NDUFS6: variants seen among roughly 807,000 people sequenced by gnomAD.
NDUFS6 encodes NADH:ubiquinone oxidoreductase subunit S6.
NDUFS6 carries 14 observed loss-of-function variants against 13.2 expected under a neutral mutation model. That is an observed-to-expected ratio of 1.06 (90% CI 0.70 to 1.66). The LOEUF is 1.66. NDUFS6 is among the 40% of genes most tolerant of loss of function. The pLI, the probability that NDUFS6 is intolerant of heterozygous loss-of-function variation, is 0.00. For missense variants in NDUFS6, 206 were observed against 170.8 expected (o/e 1.21, Z -1.15); for synonymous variants, 95 against 72.3 (o/e 1.31, Z -1.60).
chr5:1,807,898 G>A, intron 2 of NDUFS6, among the ~76,000 whole-genome samples: 1 of 152,178 alleles, frequency 6.6e-6, no homozygotes, highest in East Asian at 1.9e-4. Flanking sequence ...CCTAGGACTT[G>A]GGGGGCAGGA....
At chr5:1,810,665 G>A (rs1483878431) in intron 2 of NDUFS6, among the ~76,000 whole-genome samples, 1 of 152,190 alleles carries the variant, frequency 6.6e-6, no homozygotes, top group Non-Finnish European at 1.5e-5. Context: ...CAGGCAGTCA[G>A]TTTCAACAAT....
At chr5:1,815,823 T>C (rs368624015) in intron 3 of NDUFS6, 28 bp from the exon 4 acceptor site, 31 of 1,608,434 alleles carry the variant, frequency 1.9e-5, no homozygotes, top group South Asian at 1.4e-4. Flanking sequence ...TATGGAAATA[T>C]GACATCATTC....
At chr5:1,803,331 A>G (rs1734078637) in intron 2 of NDUFS6, among the ~76,000 whole-genome samples, 1 of 152,232 alleles carries the variant, frequency 6.6e-6, no homozygotes, top group African/African-American at 2.4e-5. Context: ...GTGGTTGATT[A>G]TTTGGCAATG....
chr5:1,808,568 A>T (rs1412458294), intron 2 of NDUFS6, among the ~76,000 whole-genome samples: 1 of 152,006 alleles, frequency 6.6e-6, no homozygotes, highest in Non-Finnish European at 1.5e-5. Flanking sequence ...GATGGGCTTT[A>T]TTTCCTCCCT....
At chr5:1,809,806 A>T (rs913864975) in intron 2 of NDUFS6, among the ~76,000 whole-genome samples, 3 of 152,232 alleles carry the variant, frequency 2.0e-5, no homozygotes, top group Non-Finnish European at 4.4e-5. Context: ...CTCACTCCAG[A>T]GCCCTCTGTA....
At chr5:1,802,407 T>C (rs750212128) in intron 2 of NDUFS6, 33 bp downstream of exon 2, 2 of 1,585,598 alleles carry the variant, frequency 1.3e-6, no homozygotes, top group Non-Finnish European at 1.7e-6. Context: ...AGAGGTAAGC[T>C]TTCCTAAAAC....
At chr5:1,806,834 G>T (rs1211666703) in intron 2 of NDUFS6, among the ~76,000 whole-genome samples, 2 of 152,162 alleles carry the variant, frequency 1.3e-5, no homozygotes, top group African/African-American at 4.8e-5. Context: ...CTGAAAGCGG[G>T]GTCCGGGGTA....
At chr5:1,807,365 A>G (rs1328316137) in intron 2 of NDUFS6, among the ~76,000 whole-genome samples, 2 of 152,146 alleles carry the variant, frequency 1.3e-5, no homozygotes, top group East Asian at 1.9e-4. Context: ...GGTGGTGGTG[A>G]TGGTTGCACA....
At chr5:1,806,003 G>A (rs923608829) in intron 2 of NDUFS6, among the ~76,000 whole-genome samples, 1 of 152,252 alleles carries the variant, frequency 6.6e-6, no homozygotes, top group African/African-American at 2.4e-5. Context: ...CTGTCCCAGG[G>A]AAGCCTCTAG....
Position 1,802,381 on chromosome 5 carries a change from A to G in NDUFS6, c.186+7A>G, listed in dbSNP as rs764172079. ...TGTAGGTCGTCAGAAAGAGGTGAGT[A>G]AAAAATCTAGTGAAGAGAGGTAAGC... is the stretch of plus-strand genomic sequence containing the variant. On this transcript the variant is annotated splice_region_variant and intron_variant, in intron 2 of 3. Coordinates refer to ENST00000274137, the MANE Select transcript of NDUFS6 (RefSeq NM_004553.6). The G allele has an allele frequency of 3.7e-6, 6 of 1,612,874 alleles. No individual in the cohort carries two copies. Among genetic ancestry groups the G allele is most frequent in the Non-Finnish European group, 5.1e-6 (6 of 1,179,036 alleles).
chr5:1,809,480 T>G (rs1734184599), intron 2 of NDUFS6, among the ~76,000 whole-genome samples: 1 of 152,050 alleles, frequency 6.6e-6, no homozygotes, highest in Non-Finnish European at 1.5e-5. Context: ...TCACTGCTGG[T>G]TCTTTGTATT....
chr5:1,815,335 C>G (rs11133911), intron 3 of NDUFS6, among the ~76,000 whole-genome samples: 112,003 of 152,048 alleles, frequency 0.74, 44,371 homozygotes, highest in Non-Finnish European at 0.88. Context: ...GGCTGCTGGG[C>G]TTGGTGTTCT....
At chr5:1,801,686 C>T (rs903410072) in intron 1 of NDUFS6, 137 bp downstream of exon 1, 6 of 1,341,166 alleles carry the variant, frequency 4.5e-6, no homozygotes, top group Non-Finnish European at 5.9e-6. Context: ...CTGTCGCTCA[C>T]GCGCCGGGGA....
chr5:1,802,051 T>G (rs1734054078), intron 1 of NDUFS6: 1 of 486,428 alleles, frequency 2.1e-6, no homozygotes, highest in Non-Finnish European at 3.6e-6. Context: ...GGGGCGGTTC[T>G]CCTCGGTCAG....
Position 1,815,896 on chromosome 5 carries a change from TTCA to T in NDUFS6, c.356_358del (p.Phe119_Arg120delinsTer). ...CACATGCGGTTACTGTGGGCTCCAGTTCAGACAGCACCACCACTAGAGCGTGTG... is the reference window on the plus strand; with the variant it reads ...CACATGCGGTTACTGTGGGCTCCAGTGACAGCACCACCACTAGAGCGTGTG... On this transcript the variant is annotated stop_gained and inframe_deletion, in exon 4 of 4. Transcript: ENST00000274137. LOFTEE classifies it high-confidence loss of function. 6.2e-7 allele frequency: 1 copy of T among 1,614,234 alleles called. No individual in the cohort carries two copies. Among genetic ancestry groups the T allele is most frequent in the South Asian group, 1.1e-5 (1 of 91,086 alleles).
chr5:1,803,518 G>A (rs188024831), intron 2 of NDUFS6, among the ~76,000 whole-genome samples: 216 of 152,296 alleles, frequency 1.4e-3, no homozygotes, highest in African/African-American at 4.7e-3. Context: ...AAATTGTGAG[G>A]TTGAATCACA....
rs760345494 is a variant in NDUFS6 at position 1,814,870 on chromosome 5, C to T, written c.309+409C>T. ...GCCGCTCTGTGGGTTCCTCCTGGGG[C>T]CTCGCTCCGGGGCTTGCAGATGAGG... On this transcript the variant is annotated intron_variant, in intron 3 of 3. Coordinates refer to ENST00000274137, the MANE Select transcript of NDUFS6 (RefSeq NM_004553.6). The surrounding 1 kb of genome is among the most constrained non-coding windows in gnomAD (Gnocchi z 4.9). 4.6e-4 allele frequency among the ~76,000 whole-genome samples: 70 copies of T among 152,306 alleles called. No homozygotes were observed. The highest frequency in any genetic ancestry group is 1.2e-3 in the Admixed American group (18 of 15,306).
Position 1,814,672 on chromosome 5 carries a change from A to T in NDUFS6, c.309+211A>T. The T allele has an allele frequency of 1.3e-6, 1 of 761,386 alleles. No individual in the cohort carries two copies. Among genetic ancestry groups the T allele is most frequent in the Non-Finnish European group, 2.3e-6 (1 of 438,764 alleles). 47.2% of individuals were successfully genotyped at this position (761,386 alleles called of 1,614,324 possible). Reference sequence around the variant, plus strand: ...TCCGAAAACCCCCTTTCAACTGTGAAGTGGTGGGCGGCATGTTTCTCTTCT... The same window carrying T: ...TCCGAAAACCCCCTTTCAACTGTGATGTGGTGGGCGGCATGTTTCTCTTCT... On this transcript the variant is annotated intron_variant, in intron 3 of 3. Coordinates refer to ENST00000274137, the MANE Select transcript of NDUFS6 (RefSeq NM_004553.6). The surrounding 1 kb of genome is among the most constrained non-coding windows in gnomAD (Gnocchi z 4.9).
In NDUFS6 at chr5:1,814,573, G is replaced by A. The variant is rs767895674; in HGVS notation, c.309+112G>A. ...CTCTTCTCTACCTGCTCCCGAGGCG[G>A]CCCTTACGGGGTTCACACTGCTGGC... On this transcript the variant is annotated intron_variant, in intron 3 of 3. Coordinates refer to ENST00000274137, the MANE Select transcript of NDUFS6 (RefSeq NM_004553.6). The surrounding 1 kb of genome is among the most constrained non-coding windows in gnomAD (Gnocchi z 4.9). 3 of 1,522,266 alleles carry A rather than the reference G, an allele frequency of 2.0e-6. No homozygotes were observed. Among genetic ancestry groups the A allele is most frequent in the South Asian group, 1.2e-5 (1 of 85,886 alleles). The allele number at this position is 1,522,266 out of a possible 1,614,324, so 94.3% of individuals were successfully genotyped here. A position where few individuals can be genotyped will look rare whatever the true frequency, so the allele number is the denominator to read the frequency against.
Sources: allele counts gnomAD v4.1 joint callset (sites outside exome capture counted in the v4.1 genomes callset), GRCh38; gene constraint gnomAD v4.1.1; non-coding constraint Gnocchi (gnomAD v3.1); transcripts MANE v1.5; gene names NCBI Gene and HGNC (gene_info 2026-07-23, HGNC 2026-07-21).